Variants in SPIDR observed in about 807,000 individuals in gnomAD.
SPIDR encodes DNA repair-scaffolding protein.
A neutral mutation model predicts 104.6 loss-of-function variants in SPIDR; 93 were observed. The observed-to-expected ratio is 0.89, with a 90% CI of 0.75 to 1.06. The LOEUF is 1.06. SPIDR is among the 50% of genes least tolerant of loss of function. The pLI, the probability that SPIDR is intolerant of heterozygous loss-of-function variation, is 0.00. For missense variants in SPIDR, 1,154 were observed against 1,111.2 expected, an observed-to-expected ratio of 1.04 and a Z score of -0.55; for synonymous variants, 431 against 416.9, an observed-to-expected ratio of 1.03 and a Z score of -0.41.
intron 8 of SPIDR, among the ~76,000 whole-genome samples, chr8:47,520,782 A>G (rs768482854): frequency 2.0e-5 from 3 of 152,222 alleles, no homozygotes; most frequent in Non-Finnish European, 2.9e-5. Flanking sequence ...GTGACACTGG[A>G]CATGACTTCC....
intron 11 of SPIDR, among the ~76,000 whole-genome samples, chr8:47,684,103 G>C (rs192285901): frequency 1.4e-5 from 2 of 142,562 alleles, no homozygotes; most frequent in African/African-American, 5.3e-5. Flanking sequence ...CTCCAGCCTG[G>C]GTGACAGAAC....
At chr8:47,735,119 T>G (rs955106566) in intron 19 of SPIDR, among the ~76,000 whole-genome samples, 188 bp from the exon 20 acceptor site, 29 of 146,116 alleles carry the variant, frequency 2.0e-4, no homozygotes, top group Admixed American at 4.7e-4. Flanking sequence ...TGGGTGTGTG[T>G]GTGTGTGTGT....
chr8:47,708,137 A>C (rs565723851), intron 14 of SPIDR, among the ~76,000 whole-genome samples: 2 of 152,162 alleles, frequency 1.3e-5, no homozygotes, highest in African/African-American at 2.4e-5. Context: ...CTGTCTCTAC[A>C]AAAATACAAA....
chr8:47,643,946 T>G (rs1318753547), intron 10 of SPIDR, among the ~76,000 whole-genome samples: 4 of 152,172 alleles, frequency 2.6e-5, no homozygotes, highest in Non-Finnish European at 4.4e-5. Flanking sequence ...ATTCATATAG[T>G]TAGTGACATG....
At chr8:47,554,108 C>G (rs1349017184) in intron 8 of SPIDR, among the ~76,000 whole-genome samples, 1 of 152,116 alleles carries the variant, frequency 6.6e-6, no homozygotes, top group African/African-American at 2.4e-5. Flanking sequence ...TCCTTCCTCT[C>G]AGATCTTCGT....
chr8:47,452,922 G>C (rs1554707092), intron 8 of SPIDR, among the ~76,000 whole-genome samples: 1 of 152,118 alleles, frequency 6.6e-6, no homozygotes. Flanking sequence ...AAGTCAAATT[G>C]TCCCTGTTTG....
At position 47,632,907 on chromosome 8, in the gene SPIDR, C is replaced by T. The variant is rs891025055; in HGVS notation, c.1544+33711C>T. 2.6e-5 allele frequency among the ~76,000 whole-genome samples: 4 copies of T among 152,306 alleles called. No homozygotes were observed. In the South Asian group the frequency reaches 6.2e-4, roughly 24 times the overall value. The stretch of plus-strand genomic sequence containing the variant: ...GAGGAATCAGCCAAGGGGCCTGCAG[C>T]GGAAGCTCCCAGGCTGAGCTGGAAC... On this transcript the variant is annotated intron_variant, in intron 10 of 19. Coordinates refer to ENST00000297423, the MANE Select transcript of SPIDR (RefSeq NM_001080394.4).
At position 47,599,032 on chromosome 8, in the gene SPIDR, C is replaced by T. The variant is rs1434899228; in HGVS notation, c.1380C>T (p.Pro460=). 1 of 1,613,184 alleles carries T rather than the reference C, an allele frequency of 6.2e-7. No individual in the cohort carries two copies. The highest frequency in any genetic ancestry group is 1.1e-5 in the South Asian group (1 of 90,910). ...AACAGCGCATCCCAACCAGCACTCC[C>T]CTGAGGGATTCTCTCCTGGATGTGG... ...EAKQRIPTST[P]LRDSLLDVVE... The change falls in exon 10 of 20, where the codon CCC becomes CCT. Residue 460 remains proline, a synonymous_variant. Coordinates refer to ENST00000297423, the MANE Select transcript of SPIDR (RefSeq NM_001080394.4).
chr8:47,650,380 A>G (rs1217939685), intron 10 of SPIDR, among the ~76,000 whole-genome samples: 1 of 152,184 alleles, frequency 6.6e-6, no homozygotes, highest in African/African-American at 2.4e-5. Flanking sequence ...AGAATAAAAT[A>G]CTTAGGAATA....
chr8:47,687,517 G>A (rs1470082840), intron 11 of SPIDR, among the ~76,000 whole-genome samples: 1 of 152,184 alleles, frequency 6.6e-6, no homozygotes, highest in Non-Finnish European at 1.5e-5. Flanking sequence ...TCTCCTGTAT[G>A]TATTGAGCTT....
intron 14 of SPIDR, among the ~76,000 whole-genome samples, chr8:47,702,673 C>T (rs1026214415): frequency 6.6e-6 from 1 of 152,188 alleles, no homozygotes; most frequent in African/African-American, 2.4e-5. Context: ...GAGGAATATC[C>T]ATGTAGATCT....
intron 8 of SPIDR, among the ~76,000 whole-genome samples, chr8:47,500,694 G>A (rs984110660): frequency 7.9e-5 from 12 of 152,168 alleles, no homozygotes; most frequent in Non-Finnish European, 1.8e-4. Context: ...TGCTTTTGGT[G>A]GTTTAGATGT....
At chr8:47,370,036 T>C (rs1042059231) in intron 5 of SPIDR, among the ~76,000 whole-genome samples, 2 of 152,052 alleles carry the variant, frequency 1.3e-5, no homozygotes, top group African/African-American at 4.8e-5. Context: ...ACTGTAAGTC[T>C]CTTCTGTTAG....
intron 8 of SPIDR, among the ~76,000 whole-genome samples, chr8:47,492,284 A>G (rs960134055): frequency 6.6e-6 from 1 of 152,066 alleles, no homozygotes; most frequent in Non-Finnish European, 1.5e-5. Context: ...GCACCTACAC[A>G]TAATTTTATT....
intron 8 of SPIDR, among the ~76,000 whole-genome samples, chr8:47,466,900 A>ATATATAT (rs1554717437): frequency 1.4e-4 from 16 of 114,340 alleles, no homozygotes; most frequent in East Asian, 5.1e-4. Context: ...AAAAAAAAAA[A>ATATATAT]ATATATATAT....
intron 17 of SPIDR, among the ~76,000 whole-genome samples, chr8:47,727,832 A>C (rs1427900299): frequency 6.6e-6 from 1 of 152,202 alleles, no homozygotes; most frequent in African/African-American, 2.4e-5. Flanking sequence ...CTTAAAAAGC[A>C]AAGAGACTGG....
At chr8:47,686,383 G>A (rs1226484016) in intron 11 of SPIDR, among the ~76,000 whole-genome samples, 1 of 151,992 alleles carries the variant, frequency 6.6e-6, no homozygotes, top group Non-Finnish European at 1.5e-5. Context: ...TCTCAAAATT[G>A]GAAAATCTTA....
intron 8 of SPIDR, among the ~76,000 whole-genome samples, chr8:47,567,041 C>T (rs1029290000): frequency 1.3e-5 from 2 of 152,066 alleles, no homozygotes; most frequent in African/African-American, 4.8e-5. Flanking sequence ...CTAGAAAACA[C>T]AATTTGTTCT....
At chr8:47,614,371 A>G (rs1276375050) in intron 10 of SPIDR, among the ~76,000 whole-genome samples, 1 of 152,058 alleles carries the variant, frequency 6.6e-6, no homozygotes. Context: ...ACAGACGTGC[A>G]CCACAATGCC....
Sources: gnomAD v4.1 joint callset for allele counts (sites outside exome capture counted in the v4.1 genomes callset) on GRCh38, gnomAD v4.1.1 for gene constraint, MANE v1.5 for transcripts, NCBI Gene and HGNC (gene_info 2026-07-23, HGNC 2026-07-21) for gene names.